R3HDM1: variants seen among roughly 807,000 people sequenced by gnomAD.
R3HDM1 encodes the protein R3H domain containing 1, also known as R3H domain-containing protein 1.
R3HDM1 carries 46 observed loss-of-function variants against 141.1 expected under a neutral mutation model. The observed-to-expected ratio is 0.33, with a 90% confidence interval of 0.26 to 0.42. The LOEUF is 0.42. R3HDM1 is among the 10% of genes least tolerant of loss of function. The pLI is 1.00. For missense variants in R3HDM1, 1,184 were observed against 1,368.3 expected (o/e 0.87, Z 2.12); for synonymous variants, 435 against 472.9 (o/e 0.92, Z 1.04).
intron 1 of R3HDM1, chr2:135,561,375 C>G: frequency 1.1e-6 from 1 of 948,114 alleles, no homozygotes; most frequent in African/African-American, 1.8e-5. Flanking sequence ...TCTCCCTGGT[C>G]TGTTAACGTG....
Position 135,709,417 on chromosome 2 carries a change from T to G in R3HDM1, c.2460-16T>G, listed in dbSNP as rs765513684. 6.2e-7 allele frequency: 1 copy of G among 1,613,792 alleles called. No individual in the cohort carries two copies. The highest frequency in any genetic ancestry group is 8.5e-7 in the Non-Finnish European group (1 of 1,179,872). ...CATCCTCCTCTCATTATGCTGTTTT[T>G]TTGTTTTTTCCATAGCTCTTCAGTA... On this transcript the variant is annotated splice_polypyrimidine_tract_variant and intron_variant, in intron 21 of 26. Transcript: ENST00000683871.
chr2:135,640,948 A>G (rs933744223), intron 14 of R3HDM1, among the ~76,000 whole-genome samples: 1 of 152,230 alleles, frequency 6.6e-6, no homozygotes, highest in South Asian at 2.1e-4. Context: ...ATTTCATGGT[A>G]TCTCTGTCCC....
Position 135,648,474 on chromosome 2 carries a change from CT to C in R3HDM1, c.1624-1427del, listed in dbSNP as rs145740306. Among the ~76,000 whole-genome samples the C allele has an allele frequency of 7.9e-3, 1,203 of 152,216 alleles. 15 individuals are homozygous for C. Among genetic ancestry groups the C allele is most frequent in the African/African-American group, 0.027 (1,120 of 41,536 alleles). On this transcript the variant is annotated intron_variant, in intron 16 of 26. Transcript: ENST00000683871. ...ATCTAACATTTTTAAAGTATTGTCT[CT>C]GAAGACAACATGCAGAGATATTGTT...
chr2:135,714,735 A>G (rs1237861473), intron 23 of R3HDM1, among the ~76,000 whole-genome samples: 1 of 148,688 alleles, frequency 6.7e-6, no homozygotes, highest in African/African-American at 2.5e-5. Context: ...CAAAAAACAC[A>G]GTGATATATA....
intron 1 of R3HDM1, among the ~76,000 whole-genome samples, chr2:135,558,120 C>T (rs1409415745): frequency 6.6e-6 from 1 of 152,188 alleles, no homozygotes; most frequent in African/African-American, 2.4e-5. Flanking sequence ...TTTAAGCACA[C>T]ATCATAAGCA....
At chr2:135,626,008 A>T (rs1041929862) in intron 7 of R3HDM1, among the ~76,000 whole-genome samples, 24 of 152,216 alleles carry the variant, frequency 1.6e-4, no homozygotes, top group Non-Finnish European at 2.5e-4. Context: ...GGGAACCCCA[A>T]CTTGAAGCTG....
At chr2:135,608,559 A>T (rs905757602) in intron 3 of R3HDM1, among the ~76,000 whole-genome samples, 1 of 152,202 alleles carries the variant, frequency 6.6e-6, no homozygotes, top group African/African-American at 2.4e-5. Context: ...TGTTTTAAGC[A>T]TCAACAGGGA....
Position 135,619,021 on chromosome 2 carries a change from CAA to C in R3HDM1, c.303+2282_303+2283del, listed in dbSNP as rs34537777. ...GGTGACAAGAGCGAAACTCTTATCT[CAA>C]AAAAAAAAAAAAAAAAAGTTATTTT... On this transcript the variant is annotated intron_variant, in intron 5 of 26. Transcript: ENST00000683871. Among the ~76,000 whole-genome samples, 492 of 112,194 alleles carry C rather than the reference CAA, an allele frequency of 4.4e-3. 4 individuals are homozygous for C. Among genetic ancestry groups the C allele is most frequent in the African/African-American group, 0.013 (393 of 30,748 alleles). 73.6% of individuals were successfully genotyped at this position (112,194 alleles called of 152,430 possible).
chr2:135,688,238 C>T (rs1477975877), intron 21 of R3HDM1, among the ~76,000 whole-genome samples: 1 of 152,162 alleles, frequency 6.6e-6, no homozygotes, highest in African/African-American at 2.4e-5. Flanking sequence ...TTACTAAGCA[C>T]AAGAAAGCTC....
chr2:135,567,421 T>C (rs375522680), intron 1 of R3HDM1, among the ~76,000 whole-genome samples: 4 of 152,104 alleles, frequency 2.6e-5, no homozygotes, highest in East Asian at 3.9e-4. Context: ...AAGCTTTACT[T>C]TTCACTCCCA....
At chr2:135,614,343 A>C (rs1028958480) in intron 3 of R3HDM1, among the ~76,000 whole-genome samples, 2 of 152,104 alleles carry the variant, frequency 1.3e-5, no homozygotes, top group Non-Finnish European at 2.9e-5. Flanking sequence ...AATTTTTCTT[A>C]ATCTCATTGC....
intron 16 of R3HDM1, chr2:135,649,431 G>A (rs1451022449): frequency 1.3e-5 from 2 of 152,078 alleles, no homozygotes; most frequent in African/African-American, 4.8e-5. Context: ...TATCAGTAGG[G>A]TAATTGGAAT....
intron 1 of R3HDM1, among the ~76,000 whole-genome samples, chr2:135,579,955 A>C (rs1706414912): frequency 6.6e-6 from 1 of 152,206 alleles, no homozygotes; most frequent in Non-Finnish European, 1.5e-5. Flanking sequence ...TTTCCAATAA[A>C]ACATCTTTAA....
chr2:135,598,230 C>T (rs1217931146), intron 1 of R3HDM1, among the ~76,000 whole-genome samples: 2 of 152,244 alleles, frequency 1.3e-5, no homozygotes, highest in East Asian at 3.9e-4. Context: ...ATAGTTGGTA[C>T]TCATCATCAC....
chr2:135,667,594 C>G, intron 19 of R3HDM1: 1 of 941,448 alleles, frequency 1.1e-6, no homozygotes. Context: ...TTCTAATATA[C>G]TAAAATATAC....
chr2:135,691,617 A>G (rs747741926), intron 21 of R3HDM1, among the ~76,000 whole-genome samples: 2 of 151,946 alleles, frequency 1.3e-5, no homozygotes, highest in Non-Finnish European at 2.9e-5. Flanking sequence ...ACAGAAGTAA[A>G]GAGATTTTCT....
At chr2:135,568,550 A>G (rs1400055239) in intron 1 of R3HDM1, among the ~76,000 whole-genome samples, 1 of 151,402 alleles carries the variant, frequency 6.6e-6, no homozygotes. Context: ...TGGTTTCACC[A>G]TGTTGGCCAG....
At chr2:135,574,070 C>G (rs574279285) in intron 1 of R3HDM1, among the ~76,000 whole-genome samples, 3 of 152,114 alleles carry the variant, frequency 2.0e-5, no homozygotes, top group East Asian at 1.9e-4. Context: ...CCTAACAAAT[C>G]TGTATTCTGA....
Position 135,561,346 on chromosome 2 carries a change from T to C in R3HDM1, c.-250+29713T>C, listed in dbSNP as rs79697971. On this transcript the variant is annotated intron_variant, in intron 1 of 26. Transcript: ENST00000683871. ...TATATTTTGTGGCAGCTTTTCATTATCCAAAGATAGTTTTCAGGTCTCCCT... is the reference window on the plus strand; with the variant it reads ...TATATTTTGTGGCAGCTTTTCATTACCCAAAGATAGTTTTCAGGTCTCCCT... 1.6e-3 allele frequency: 1,603 copies of C among 980,792 alleles called. 20 individuals are homozygous for C. In the African/African-American group the frequency reaches 0.026, roughly 16 times the overall value. The allele number at this position is 980,792 out of a possible 1,614,324, so 60.8% of individuals were successfully genotyped here. A position where few individuals can be genotyped will look rare whatever the true frequency, so the allele number is the denominator to read the frequency against.
Sources: allele counts gnomAD v4.1 joint callset (sites outside exome capture counted in the v4.1 genomes callset), GRCh38; gene constraint gnomAD v4.1.1; transcripts MANE v1.5; gene names NCBI Gene and HGNC (gene_info 2026-07-23, HGNC 2026-07-21).